Variants in MDFIC2 observed in about 807,000 individuals in gnomAD.
MDFIC2 encodes the protein MyoD family inhibitor domain containing 2, also known as myoD family inhibitor domain-containing protein 2.
At chr3:70,292,577 A>G (rs761405810) in intron 2 of MDFIC2, among the ~76,000 whole-genome samples, 1 of 152,102 alleles carries the variant, frequency 6.6e-6, no homozygotes, top group Non-Finnish European at 1.5e-5. Context: ...AGTATTTTTT[A>G]TGCCAAACTA....
intron 2 of MDFIC2, among the ~76,000 whole-genome samples, chr3:70,262,670 T>C (rs1032198354): frequency 6.6e-6 from 1 of 152,208 alleles, no homozygotes; most frequent in East Asian, 1.9e-4. Context: ...TTGTGTCACA[T>C]AACAGGGTTG....
At chr3:70,227,536 G>A (rs1427747293) in intron 2 of MDFIC2, among the ~76,000 whole-genome samples, 5 of 152,200 alleles carry the variant, frequency 3.3e-5, no homozygotes, top group Non-Finnish European at 2.9e-5. Flanking sequence ...AAGACAAAGT[G>A]AGTGGGCTGA....
chr3:70,225,166 C>T (rs1402009943), intron 2 of MDFIC2, among the ~76,000 whole-genome samples: 1 of 152,032 alleles, frequency 6.6e-6, no homozygotes, highest in Non-Finnish European at 1.5e-5. Context: ...ACCTTTTGTG[C>T]CATGATGAAC....
chr3:70,270,742 G>A (rs927507533), intron 2 of MDFIC2, among the ~76,000 whole-genome samples: 3 of 152,080 alleles, frequency 2.0e-5, no homozygotes, highest in Non-Finnish European at 4.4e-5. Context: ...GCCAGGACAC[G>A]GTTGAAGCTG....
At position 70,303,003 on chromosome 3, in the gene MDFIC2, A is replaced by G. The variant is rs115031724; in HGVS notation, c.88+8883T>C. Among the ~76,000 whole-genome samples the G allele has an allele frequency of 5.7e-3, 866 of 152,290 alleles. 8 individuals carry two copies. The highest frequency in any genetic ancestry group is 0.02 in the African/African-American group (838 of 41,564). ...TCTCATCTTTTGCTGAACTTTCTAA[A>G]TATAAATTAAAGTTATCAGAGAATC... On this transcript the variant is annotated intron_variant, in intron 2 of 3. Transcript: ENST00000567252.
intron 2 of MDFIC2, among the ~76,000 whole-genome samples, chr3:70,287,813 C>T (rs1434935360): frequency 2.7e-5 from 4 of 150,766 alleles, no homozygotes; most frequent in Non-Finnish European, 6.0e-5. Flanking sequence ...AGGAATTTAT[C>T]CATTTCTTCT....
chr3:70,244,179 A>G (rs768334301), intron 2 of MDFIC2, among the ~76,000 whole-genome samples: 1 of 152,120 alleles, frequency 6.6e-6, no homozygotes, highest in Admixed American at 6.6e-5. Flanking sequence ...CCACCTAATA[A>G]TTGCTGAGGA....
intron 2 of MDFIC2, among the ~76,000 whole-genome samples, chr3:70,219,810 T>C (rs762340555): frequency 1.3e-5 from 2 of 152,178 alleles, no homozygotes; most frequent in Non-Finnish European, 2.9e-5. Context: ...CAAGTTATGA[T>C]GGCAAAATGA....
At chr3:70,204,589 G>C (rs1259803454) in intron 3 of MDFIC2, 1 of 152,044 alleles carries the variant, frequency 6.6e-6, no homozygotes, top group Non-Finnish European at 1.5e-5. Context: ...TCTTGGAAAT[G>C]ACCTAATTTA....
At chr3:70,277,631 T>A (rs969102409) in intron 2 of MDFIC2, among the ~76,000 whole-genome samples, 1 of 152,178 alleles carries the variant, frequency 6.6e-6, no homozygotes, top group Non-Finnish European at 1.5e-5. Context: ...CTTGGTTTTA[T>A]GGTTTATTTC....
At chr3:70,228,183 A>G (rs1340706513) in intron 2 of MDFIC2, among the ~76,000 whole-genome samples, 2 of 152,064 alleles carry the variant, frequency 1.3e-5, no homozygotes. Flanking sequence ...AGGTTTTAGT[A>G]TCAAGAAAGG....
chr3:70,226,299 C>T (rs1320779777), intron 2 of MDFIC2, among the ~76,000 whole-genome samples: 1 of 152,152 alleles, frequency 6.6e-6, no homozygotes, highest in Non-Finnish European at 1.5e-5. Context: ...GTGAGAGGCA[C>T]TCAGGTCATT....
At chr3:70,207,904 AT>A (rs1278836656) in intron 2 of MDFIC2, among the ~76,000 whole-genome samples, 5 of 151,944 alleles carry the variant, frequency 3.3e-5, no homozygotes, top group African/African-American at 1.2e-4. Context: ...CTGCCATGTA[AT>A]GATTGGGAGT....
Position 70,206,601 on chromosome 3 carries a change from G to T in MDFIC2, c.278C>A (p.Thr93Asn). 2.5e-6 allele frequency: 1 copy of T among 397,852 alleles called. No individual in the cohort carries two copies. Among genetic ancestry groups the T allele is most frequent in the South Asian group, 1.3e-4 (1 of 7,852 alleles). 24.6% of individuals were successfully genotyped at this position (397,852 alleles called of 1,614,324 possible). ...GTCTCTGTGATGAACTGAAGTATCAGTTTGGAGGTAAGAAAATGTTGTTTG... is the reference window on the plus strand; with the variant it reads ...GTCTCTGTGATGAACTGAAGTATCATTTTGGAGGTAAGAAAATGTTGTTTG... ...ECQTTFSYLQ[T>N]DTSVHHRDTD... The change falls in exon 3 of 4, where the codon ACT becomes AAT. Residue 93 changes from threonine (T) to asparagine (N), a missense_variant. By Grantham distance (65) the Thr-to-Asn change is moderately conservative (BLOSUM62 0). Coordinates refer to ENST00000567252, the MANE Select transcript of MDFIC2 (RefSeq NM_001364677.1).
In MDFIC2 at chr3:70,196,859, A is replaced by G. The variant is rs1701186578; in HGVS notation, c.*67T>C. 7.5e-6 allele frequency: 3 copies of G among 398,066 alleles called. 1 individual carries two copies. In the South Asian group the frequency reaches 4.0e-4, roughly 53 times the overall value. The allele number at this position is 398,066 out of a possible 1,614,324, so 24.7% of individuals were successfully genotyped here. A position where few individuals can be genotyped will look rare whatever the true frequency, so the allele number is the denominator to read the frequency against. On this transcript the variant is annotated 3_prime_UTR_variant, in exon 4 of 4. Coordinates refer to ENST00000567252, the MANE Select transcript of MDFIC2 (RefSeq NM_001364677.1). ...CCTTACATTTCAGCACATGGAAATC[A>G]GTCTTGTTGTAATGGAATTTCCCAC...
intron 2 of MDFIC2, among the ~76,000 whole-genome samples, chr3:70,277,043 C>T (rs1220600277): frequency 6.6e-6 from 1 of 151,920 alleles, no homozygotes; most frequent in Non-Finnish European, 1.5e-5. Context: ...GGATAATTAC[C>T]AAATTTGAAA....
At chr3:70,309,587 A>T (rs1430970181) in intron 2 of MDFIC2, among the ~76,000 whole-genome samples, 1 of 152,172 alleles carries the variant, frequency 6.6e-6, no homozygotes, top group Non-Finnish European at 1.5e-5. Context: ...AGATTTAGAA[A>T]CCATGCCTGC....
At chr3:70,231,886 T>G (rs529800855) in intron 2 of MDFIC2, among the ~76,000 whole-genome samples, 1 of 152,228 alleles carries the variant, frequency 6.6e-6, no homozygotes. Flanking sequence ...TGTGTGTGTG[T>G]GCATGTGTGT....
At chr3:70,211,674 C>T (rs1216625099) in intron 2 of MDFIC2, among the ~76,000 whole-genome samples, 1 of 126,818 alleles carries the variant, frequency 7.9e-6, no homozygotes, top group South Asian at 2.7e-4. Flanking sequence ...TTTCCCTTCC[C>T]TTTCCTTCCT....
Sources: gnomAD v4.1 joint callset for allele counts (sites outside exome capture counted in the v4.1 genomes callset) on GRCh38, gnomAD v4.1.1 for gene constraint, MANE v1.5 for transcripts, NCBI Gene and HGNC (gene_info 2026-07-23, HGNC 2026-07-21) for gene names.